BNIP1: variants seen among roughly 807,000 people sequenced by gnomAD.
BNIP1 encodes vesicle transport protein SEC20.
A neutral mutation model predicts 28.5 loss-of-function variants in BNIP1; 25 were observed. The ratio of observed to expected loss-of-function variants is 0.88; its 90% CI spans 0.64 to 1.23. BNIP1 has a LOEUF of 1.23. Among genes scored for constraint, BNIP1 ranks in the 50% most tolerant of loss-of-function variants. BNIP1 has a pLI of 0.00. For synonymous variants in BNIP1, 118 were observed against 101.7 expected, an observed-to-expected ratio of 1.16 and a Z score of -0.96; for missense variants, 276 against 277.0, an observed-to-expected ratio of 1.00 and a Z score of 0.02.
chr5:173,146,840 C>T, intron 1 of BNIP1, 26 bp from the exon 2 acceptor site: 1 of 1,560,418 alleles, frequency 6.4e-7, no homozygotes, highest in African/African-American at 1.4e-5. Context: ...TTGAGAAAGG[C>T]CTTTCATCTG....
rs544289143 is a variant in BNIP1, at chr5:173,148,613, C to A, written c.177+1655C>A. On this transcript the variant is annotated intron_variant, in intron 2 of 5. Transcript: ENST00000351486. ...TAGGCCCTCTCCCTGAGGACAGGAA[C>A]AGGGTTGGCTCCTTGGCCTCTGTTT... is the stretch of plus-strand genomic sequence containing the variant. Among the ~76,000 whole-genome samples, 27 of 152,216 alleles carry A rather than the reference C, an allele frequency of 1.8e-4. No individual in the cohort carries two copies. The East Asian group carries it at 5.2e-3, about 30-fold the overall frequency.
rs780350703 is a variant in BNIP1, at chr5:173,154,400, A to C, written c.256A>C (p.Lys86Gln). ...ACTCCAGGAAGTGGAGAATCACAAA[A>C]AGCAGATGCTCAGGTAGGCAGGGCC... ...LLLQEVENHK[K>Q]QMLSNQASWR... Residue 86 changes from lysine to glutamine, a missense_variant, in exon 3 of 6, where the codon AAG (lysine) becomes CAG (glutamine). Transcript: ENST00000351486. The C allele has an allele frequency of 1.5e-5, 25 of 1,613,488 alleles. No individual in the cohort carries two copies. In the Admixed American group the frequency reaches 4.2e-4, roughly 27 times the overall value.
intron 3 of BNIP1, among the ~76,000 whole-genome samples, chr5:173,156,062 C>T (rs1463983252): frequency 6.6e-6 from 1 of 152,206 alleles, no homozygotes; most frequent in Non-Finnish European, 1.5e-5. Context: ...GTCAGGAAGA[C>T]ACCGACTGGC....
intron 1 of BNIP1, 181 bp downstream of exon 1, chr5:173,144,810 G>C (rs1387080409): frequency 6.8e-6 from 4 of 584,770 alleles, no homozygotes; most frequent in Non-Finnish European, 8.8e-6. Flanking sequence ...TGCTGGCCTT[G>C]ATCCTTTTTC....
intron 2 of BNIP1, 51 bp downstream of exon 2, chr5:173,147,009 C>T (rs1285995963): frequency 6.8e-7 from 1 of 1,463,260 alleles, no homozygotes; most frequent in African/African-American, 1.4e-5. Context: ...TGGGTATATC[C>T]TCTGCTTGAG....
intron 5 of BNIP1, chr5:173,160,743 A>G (rs1404166570): frequency 6.7e-6 from 3 of 451,042 alleles, no homozygotes; most frequent in Non-Finnish European, 1.3e-5. Context: ...GCTCCAAGAG[A>G]TGTTTGGCGA....
chr5:173,160,235 T>TTC (rs201267904), intron 5 of BNIP1, among the ~76,000 whole-genome samples, 184 bp downstream of exon 5: 5 of 129,690 alleles, frequency 3.9e-5, no homozygotes, highest in African/African-American at 1.3e-4. Flanking sequence ...CTGCTCCTAT[T>TTC]TCTCTTTTTT....
chr5:173,155,923 T>C (rs1297765374), intron 3 of BNIP1, among the ~76,000 whole-genome samples: 1 of 152,068 alleles, frequency 6.6e-6, no homozygotes, highest in African/African-American at 2.4e-5. Context: ...GTCATTCCCA[T>C]GGGTTTTCTC....
intron 2 of BNIP1, among the ~76,000 whole-genome samples, chr5:173,149,549 G>C (rs939207936): frequency 1.3e-5 from 2 of 152,146 alleles, no homozygotes; most frequent in Admixed American, 6.5e-5. Flanking sequence ...ATCCCTGGAT[G>C]GGTCTTGTGG....
chr5:173,145,707 C>A (rs1759816081), intron 1 of BNIP1, among the ~76,000 whole-genome samples: 1 of 152,160 alleles, frequency 6.6e-6, no homozygotes. Flanking sequence ...CCGGCCTAAA[C>A]CTTGGTTTTT....
intron 2 of BNIP1, among the ~76,000 whole-genome samples, chr5:173,148,354 T>G (rs1475355225): frequency 2.6e-5 from 4 of 151,696 alleles, no homozygotes; most frequent in African/African-American, 9.7e-5. Context: ...CTTGTGGGTC[T>G]GGGGGCTGCT....
At chr5:173,160,224 G>A (rs946142598) in intron 5 of BNIP1, among the ~76,000 whole-genome samples, 173 bp downstream of exon 5, 1 of 148,990 alleles carries the variant, frequency 6.7e-6, no homozygotes, top group African/African-American at 2.5e-5. Context: ...TGTGGGATGT[G>A]CTGCTCCTAT....
At chr5:173,160,511 G>T (rs555010256) in intron 5 of BNIP1, among the ~76,000 whole-genome samples, 1 of 152,250 alleles carries the variant, frequency 6.6e-6, no homozygotes, top group South Asian at 2.1e-4. Context: ...TGGGATTATA[G>T]GCGTGAGATG....
rs1018659362 is a variant in BNIP1, at chr5:173,163,748, G to T, written c.514G>T (p.Asp172Tyr). Residue 172 changes from aspartate (D) to tyrosine (Y), a missense_variant, in exon 6 of 6, where the codon GAT becomes TAT. Transcript: ENST00000351486. ...AGTCACTTCTTCACGAACGATCCTG[G>T]ATGCAAATGAAGAATTTAAGTCCAT... is the stretch of plus-strand genomic sequence containing the variant. ...SLVTSSRTIL[D>Y]ANEEFKSMSG... The T allele has an allele frequency of 6.2e-7, 1 of 1,608,962 alleles. No individual in the cohort carries two copies. Among genetic ancestry groups the T allele is most frequent in the Non-Finnish European group, 8.5e-7 (1 of 1,177,432 alleles).
chr5:173,157,195 G>A lies in BNIP1; in HGVS notation c.270-1549G>A, dbSNP rs1760225566. ...AAAATGTAATGGATTCTTTAAAGTG[G>A]CAGGTGTGAAATGGCGGAGCAGGTG... On this transcript the variant is annotated intron_variant, in intron 3 of 5. Coordinates refer to ENST00000351486, the MANE Select transcript of BNIP1 (RefSeq NM_001205.3). 2.0e-5 allele frequency among the ~76,000 whole-genome samples: 3 copies of A among 152,146 alleles called. No individual in the cohort carries two copies. In the South Asian group the frequency reaches 6.2e-4, roughly 32 times the overall value.
chr5:173,150,871 T>C (rs1759997529), intron 2 of BNIP1, among the ~76,000 whole-genome samples: 1 of 152,100 alleles, frequency 6.6e-6, no homozygotes, highest in Non-Finnish European at 1.5e-5. Context: ...GGAGTCTGGC[T>C]CTGTTTCCCA....
intron 5 of BNIP1, among the ~76,000 whole-genome samples, chr5:173,162,039 C>G (rs1030246981): frequency 2.0e-5 from 3 of 152,068 alleles, no homozygotes; most frequent in Non-Finnish European, 2.9e-5. Context: ...GATAATTTAT[C>G]CTATTTACTT....
intron 2 of BNIP1, among the ~76,000 whole-genome samples, chr5:173,147,167 G>A (rs533258050): frequency 3.3e-5 from 5 of 152,310 alleles, no homozygotes; most frequent in Non-Finnish European, 4.4e-5. Flanking sequence ...AGCACTTTGG[G>A]AGGCCGAGGC....
At chr5:173,152,442 C>T (rs189668953) in intron 2 of BNIP1, among the ~76,000 whole-genome samples, 77 of 152,148 alleles carry the variant, frequency 5.1e-4, no homozygotes, top group African/African-American at 1.8e-3. Context: ...CTCCACTTCC[C>T]GGGTTCACGC....
Sources: gnomAD v4.1 joint callset for allele counts (sites outside exome capture counted in the v4.1 genomes callset) on GRCh38, gnomAD v4.1.1 for gene constraint, MANE v1.5 for transcripts, NCBI Gene and HGNC (gene_info 2026-07-23, HGNC 2026-07-21) for gene names.